The following CNTN5 variants were observed in gnomAD, a reference collection of about 807,000 sequenced individuals.
The protein encoded by CNTN5 is contactin-5.
A neutral mutation model predicts 129.1 loss-of-function variants in CNTN5; 77 were observed. That is an observed-to-expected ratio of 0.60 (90% confidence interval 0.50 to 0.72). CNTN5 has a LOEUF of 0.72. CNTN5 is among the 30% of genes least tolerant of loss of function. CNTN5 has a pLI of 0.00. For synonymous variants in CNTN5, 509 were observed against 465.6 expected (o/e 1.09, Z -1.20); for missense variants, 1,478 against 1,328.8 (o/e 1.11, Z -1.75).
chr11:99,151,757 C>T (rs988721098), intron 1 of CNTN5, among the ~76,000 whole-genome samples: 6 of 151,994 alleles, frequency 3.9e-5, no homozygotes, highest in Admixed American at 1.3e-4. Flanking sequence ...TTTGCAGGGA[C>T]ATGGATGAAG....
At chr11:99,047,242 T>G (rs556915387) in intron 1 of CNTN5, among the ~76,000 whole-genome samples, 9 of 152,062 alleles carry the variant, frequency 5.9e-5, no homozygotes, top group Non-Finnish European at 1.0e-4. Flanking sequence ...ATTTACATAT[T>G]AAGAACTTAC....
At chr11:99,945,484 C>CTG (rs1308074890) in intron 7 of CNTN5, among the ~76,000 whole-genome samples, 1 of 69,598 alleles carries the variant, frequency 1.4e-5, no homozygotes, top group Non-Finnish European at 3.3e-5. Context: ...AATAAAACCT[C>CTG]TGTGCGTGTG....
intron 13 of CNTN5, among the ~76,000 whole-genome samples, chr11:100,076,802 C>T (rs1361132984): frequency 6.6e-6 from 1 of 151,986 alleles, no homozygotes; most frequent in Non-Finnish European, 1.5e-5. Flanking sequence ...ACATATATTG[C>T]ATTTTTATTC....
intron 3 of CNTN5, among the ~76,000 whole-genome samples, chr11:99,685,925 C>A (rs567054303): frequency 1.3e-5 from 2 of 151,932 alleles, no homozygotes; most frequent in Non-Finnish European, 2.9e-5. Context: ...ATAATTACCT[C>A]TATTCCCACT....
chr11:100,346,343 C>G (rs1952279003), intron 23 of CNTN5, among the ~76,000 whole-genome samples: 1 of 151,992 alleles, frequency 6.6e-6, no homozygotes, highest in Non-Finnish European at 1.5e-5. Flanking sequence ...TTAATGATCT[C>G]AAAAATGGAA....
intron 1 of CNTN5, among the ~76,000 whole-genome samples, chr11:99,218,468 G>C (rs1332393129): frequency 6.6e-6 from 1 of 152,046 alleles, no homozygotes; most frequent in Non-Finnish European, 1.5e-5. Context: ...CTAAAGTCCT[G>C]TATGTTGACT....
At chr11:99,778,106 T>C (rs1945188356) in intron 3 of CNTN5, among the ~76,000 whole-genome samples, 1 of 151,864 alleles carries the variant, frequency 6.6e-6, no homozygotes, top group Admixed American at 6.6e-5. Context: ...AGATGCACTG[T>C]TCACATCCTC....
chr11:100,185,361 C>T (rs1039415689), intron 13 of CNTN5, among the ~76,000 whole-genome samples: 2 of 152,120 alleles, frequency 1.3e-5, no homozygotes, highest in South Asian at 4.1e-4. Context: ...TTCTCCTCTC[C>T]AGATTCATTC....
In CNTN5 at chr11:99,813,440, G is replaced by A. The variant is rs997555910; in HGVS notation, c.56-6104G>A. Among the ~76,000 whole-genome samples, 4 of 152,134 alleles carry A rather than the reference G, an allele frequency of 2.6e-5. No individual in the cohort carries two copies. In the East Asian group the frequency reaches 7.7e-4, roughly 29 times the overall value. ...AGACACCTTTCCATGACAGAAGTGTGGAAATTGTTAGGATCTGAAGCAAAA... is the reference window on the plus strand; with the variant it reads ...AGACACCTTTCCATGACAGAAGTGTAGAAATTGTTAGGATCTGAAGCAAAA... On this transcript the variant is annotated intron_variant, in intron 3 of 24. Coordinates refer to ENST00000524871, the MANE Select transcript of CNTN5 (RefSeq NM_014361.4).
At chr11:100,174,812 G>A (rs1947915176) in intron 13 of CNTN5, among the ~76,000 whole-genome samples, 1 of 152,102 alleles carries the variant, frequency 6.6e-6, no homozygotes, top group South Asian at 2.1e-4. Flanking sequence ...TTGCAGTGAT[G>A]CTGAGCCCCA....
intron 21 of CNTN5, among the ~76,000 whole-genome samples, chr11:100,322,278 A>T (rs1455296452): frequency 6.6e-6 from 1 of 151,458 alleles, no homozygotes; most frequent in Admixed American, 6.6e-5. Flanking sequence ...GCTGGAGTGC[A>T]GTGGCGCGAT....
intron 15 of CNTN5, 129 bp downstream of exon 15, chr11:100,193,792 A>T: frequency 1.4e-6 from 1 of 700,830 alleles, no homozygotes; most frequent in Admixed American, 3.6e-5. Flanking sequence ...AAAAACAATT[A>T]CTTTCTGCCA....
intron 2 of CNTN5, among the ~76,000 whole-genome samples, chr11:99,454,419 T>C (rs1207955005): frequency 6.6e-6 from 1 of 152,016 alleles, no homozygotes; most frequent in Non-Finnish European, 1.5e-5. Context: ...CTCATAATAG[T>C]GAGTGAGTTC....
intron 13 of CNTN5, among the ~76,000 whole-genome samples, chr11:100,166,146 G>A (rs1392789826): frequency 5.3e-5 from 8 of 151,720 alleles, no homozygotes; most frequent in Non-Finnish European, 8.8e-5. Context: ...GGTACGTGAT[G>A]CATGGAAAGA....
intron 9 of CNTN5, among the ~76,000 whole-genome samples, chr11:100,027,297 T>G (rs961095758): frequency 6.6e-6 from 1 of 152,226 alleles, no homozygotes; most frequent in Non-Finnish European, 1.5e-5. Flanking sequence ...ATCTTTGTTC[T>G]GAGATATGGT....
At chr11:99,520,499 A>C (rs1947236770) in intron 2 of CNTN5, among the ~76,000 whole-genome samples, 1 of 152,110 alleles carries the variant, frequency 6.6e-6, no homozygotes, top group African/African-American at 2.4e-5. Flanking sequence ...AAGCCAACTT[A>C]ATTCTCTGGA....
chr11:99,084,933 T>A (rs4475886), intron 1 of CNTN5, among the ~76,000 whole-genome samples: 1 of 152,014 alleles, frequency 6.6e-6, no homozygotes, highest in Admixed American at 6.6e-5. Context: ...ATTAATATAT[T>A]TTTCAGTAAT....
intron 2 of CNTN5, among the ~76,000 whole-genome samples, chr11:99,498,757 C>T (rs966042915): frequency 1.3e-5 from 2 of 152,102 alleles, no homozygotes; most frequent in African/African-American, 2.4e-5. Context: ...GTAGTTAGGG[C>T]TTCTGGGAAA....
At position 99,567,681 on chromosome 11, in the gene CNTN5, G is replaced by C. The variant is rs572387968; in HGVS notation, c.55+11412G>C. 9.9e-5 allele frequency among the ~76,000 whole-genome samples: 15 copies of C among 152,158 alleles called. No individual in the cohort carries two copies. The South Asian group carries it at 2.5e-3, about 25-fold the overall frequency. The stretch of plus-strand genomic sequence containing the variant: ...AGTTGAGAAAGAGAAATGGATTATG[G>C]CTCCTCCATGATCAAATTAAAATTA... On this transcript the variant is annotated intron_variant, in intron 3 of 24. Coordinates refer to ENST00000524871, the MANE Select transcript of CNTN5 (RefSeq NM_014361.4).
Sources: allele counts gnomAD v4.1 joint callset (sites outside exome capture counted in the v4.1 genomes callset), GRCh38; gene constraint gnomAD v4.1.1; transcripts MANE v1.5; gene names NCBI Gene and HGNC (gene_info 2026-07-23, HGNC 2026-07-21).